MSI2: variants seen among roughly 807,000 people sequenced by gnomAD.
The protein encoded by MSI2 is RNA-binding protein Musashi homolog 2.
A neutral mutation model predicts 45.6 loss-of-function variants in MSI2; 17 were observed. That is an observed-to-expected ratio of 0.37 (90% confidence interval 0.26 to 0.56). The LOEUF (loss-of-function observed/expected upper bound fraction) is 0.56. MSI2 is among the 20% of genes least tolerant of loss of function. The pLI is 0.77. For synonymous variants in MSI2, 156 were observed against 158.2 expected, an observed-to-expected ratio of 0.99 and a Z score of 0.11; for missense variants, 293 against 444.2, an observed-to-expected ratio of 0.66 and a Z score of 3.06.
At chr17:57,313,882 C>T (rs941341131) in intron 5 of MSI2, among the ~76,000 whole-genome samples, 8 of 152,252 alleles carry the variant, frequency 5.3e-5, no homozygotes, top group East Asian at 3.9e-4. Flanking sequence ...GGGGTGGGTC[C>T]GGGCAGTGTC....
At chr17:57,373,599 G>C (rs900499399) in intron 5 of MSI2, among the ~76,000 whole-genome samples, 65 of 152,156 alleles carry the variant, frequency 4.3e-4, no homozygotes, top group African/African-American at 1.5e-3. Flanking sequence ...TTTGGGAACA[G>C]CCCTCAGAGC....
At chr17:57,435,353 G>A (rs2084672769) in intron 6 of MSI2, among the ~76,000 whole-genome samples, 1 of 152,190 alleles carries the variant, frequency 6.6e-6, no homozygotes. Flanking sequence ...GGCACCTGGT[G>A]TGTTGGGGAA....
chr17:57,419,326 G>A (rs1406283627), intron 6 of MSI2, among the ~76,000 whole-genome samples: 1 of 151,786 alleles, frequency 6.6e-6, no homozygotes, highest in Non-Finnish European at 1.5e-5. Flanking sequence ...GCTGCCAGTA[G>A]AGGTAGAAAA....
intron 8 of MSI2, among the ~76,000 whole-genome samples, chr17:57,607,563 A>T (rs551673867): frequency 2.8e-4 from 42 of 152,308 alleles, no homozygotes; most frequent in Non-Finnish European, 5.4e-4. Flanking sequence ...CCTGATTATG[A>T]TGTCTGAGAA....
chr17:57,471,277 C>CTT (rs529448901), intron 6 of MSI2, among the ~76,000 whole-genome samples: 61 of 83,692 alleles, frequency 7.3e-4, no homozygotes, highest in African/African-American at 2.1e-3. Flanking sequence ...TTATGGAGCA[C>CTT]TTTTTTTTTT....
At chr17:57,435,893 T>C (rs970579504) in intron 6 of MSI2, among the ~76,000 whole-genome samples, 37 of 152,178 alleles carry the variant, frequency 2.4e-4, no homozygotes, top group Admixed American at 1.3e-3. Flanking sequence ...ACACTCTTAA[T>C]AGGAGACTTG....
At chr17:57,486,891 G>T (rs1448006797) in intron 6 of MSI2, among the ~76,000 whole-genome samples, 1 of 152,152 alleles carries the variant, frequency 6.6e-6, no homozygotes, top group Non-Finnish European at 1.5e-5. Flanking sequence ...GTCCTTACTG[G>T]CAGGGATCAC....
chr17:57,675,167 C>T, intron 12 of MSI2, 41 bp downstream of exon 12: 1 of 1,577,622 alleles, frequency 6.3e-7, no homozygotes, highest in Non-Finnish European at 8.6e-7. Flanking sequence ...CTCCTCCTTC[C>T]TGACCAGCTC....
chr17:57,388,573 T>C (rs1371882718), intron 5 of MSI2, among the ~76,000 whole-genome samples: 1 of 152,230 alleles, frequency 6.6e-6, no homozygotes, highest in East Asian at 1.9e-4. Flanking sequence ...TGCTCCTGGT[T>C]CATGCCTTTT....
intron 7 of MSI2, among the ~76,000 whole-genome samples, chr17:57,590,471 T>C (rs1051065844): frequency 5.3e-5 from 8 of 152,344 alleles, no homozygotes; most frequent in African/African-American, 1.9e-4. Flanking sequence ...ATATTTAGTT[T>C]TGTTCATTTG....
In MSI2 at chr17:57,632,789, C is replaced by T. The variant is rs9894932; in HGVS notation, c.727+5486C>T. On this transcript the variant is annotated intron_variant, in intron 10 of 13. Transcript: ENST00000284073. Reference sequence around the variant, plus strand: ...TGCTGGTAGTTTGTGAGAAGTGACCCGCACGCTTCCATTTGATGCATTTGA... The same window carrying T: ...TGCTGGTAGTTTGTGAGAAGTGACCTGCACGCTTCCATTTGATGCATTTGA... 1.2e-3 allele frequency: 1,241 copies of T among 1,065,698 alleles called. 12 individuals are homozygous for T. In the African/African-American group the frequency reaches 0.018, roughly 16 times the overall value. 66.0% of individuals were successfully genotyped at this position (1,065,698 alleles called of 1,614,324 possible).
intron 5 of MSI2, among the ~76,000 whole-genome samples, chr17:57,332,445 G>A (rs1221764141): frequency 2.0e-5 from 3 of 152,328 alleles, no homozygotes; most frequent in East Asian, 3.9e-4. Context: ...TGAGAGTCCA[G>A]TGTGAGAGTC....
chr17:57,606,875 G>A (rs1906646715), intron 8 of MSI2, among the ~76,000 whole-genome samples: 1 of 151,850 alleles, frequency 6.6e-6, no homozygotes, highest in Non-Finnish European at 1.5e-5. Flanking sequence ...TGTGGGGAAG[G>A]GCTGTGTGAG....
At chr17:57,406,158 T>A (rs2084077023) in intron 6 of MSI2, among the ~76,000 whole-genome samples, 1 of 152,328 alleles carries the variant, frequency 6.6e-6, no homozygotes, top group South Asian at 2.1e-4. Flanking sequence ...TCTGTGTTCC[T>A]GATTCCATAC....
At position 57,597,788 on chromosome 17, in the gene MSI2, G is replaced by A. The variant is rs148275133; in HGVS notation, c.537+838G>A. Among the ~76,000 whole-genome samples the A allele has an allele frequency of 2.7e-3, 415 of 152,318 alleles. 1 individual carries two copies. The highest frequency in any genetic ancestry group is 9.3e-3 in the African/African-American group (388 of 41,568). The stretch of plus-strand genomic sequence containing the variant: ...CTTTTGAGAGGTATATCCTAGATAG[G>A]AAGTTTACTGCACCAAACTATTTTT... On this transcript the variant is annotated intron_variant, in intron 8 of 13. Coordinates refer to ENST00000284073, the MANE Select transcript of MSI2 (RefSeq NM_138962.4).
At chr17:57,351,685 A>G (rs1480164680) in intron 5 of MSI2, among the ~76,000 whole-genome samples, 1 of 152,108 alleles carries the variant, frequency 6.6e-6, no homozygotes. Flanking sequence ...GCGAAACCTC[A>G]TCTCTACTAA....
intron 6 of MSI2, among the ~76,000 whole-genome samples, chr17:57,455,484 C>G (rs2085095950): frequency 6.6e-6 from 1 of 152,198 alleles, no homozygotes; most frequent in Non-Finnish European, 1.5e-5. Context: ...GCTCTCAGCC[C>G]TTGTCCACCG....
chr17:57,272,955 T>A (rs1908507964), intron 5 of MSI2, among the ~76,000 whole-genome samples: 1 of 152,228 alleles, frequency 6.6e-6, no homozygotes, highest in Non-Finnish European at 1.5e-5. Flanking sequence ...GGGATATCTC[T>A]CAAATGTGTC....
intron 10 of MSI2, among the ~76,000 whole-genome samples, chr17:57,638,179 G>A (rs561126483): frequency 3.9e-5 from 6 of 152,294 alleles, no homozygotes; most frequent in South Asian, 2.1e-4. Context: ...GCAAAGATGT[G>A]TCCCCCCACC....
Sources: allele counts gnomAD v4.1 joint callset (sites outside exome capture counted in the v4.1 genomes callset), GRCh38; gene constraint gnomAD v4.1.1; transcripts MANE v1.5; gene names NCBI Gene and HGNC (gene_info 2026-07-23, HGNC 2026-07-21).